Variants in RGS8 observed in about 807,000 individuals in gnomAD.
RGS8 encodes the protein regulator of G-protein signaling 8.
A neutral mutation model predicts 21.7 loss-of-function variants in RGS8; 8 were observed. The observed-to-expected ratio is 0.37, with a 90% CI of 0.22 to 0.66. RGS8 has a LOEUF of 0.66. Ranked by LOEUF, RGS8 falls within the 30% of genes least tolerant of loss-of-function variation. The pLI is 0.59. For missense variants in RGS8, 157 were observed against 217.9 expected (o/e 0.72, Z 1.76); for synonymous variants, 80 against 83.6 (o/e 0.96, Z 0.24).
chr1:182,724,201 GATATATAT>G, the RGS8 span, among the ~76,000 whole-genome samples: 295 of 42,074 alleles, frequency 7.0e-3, 4 homozygotes, highest in East Asian at 0.015. Flanking sequence ...GGCTAGACTG[GATATATAT>G]ATATATATAT....
At chr1:182,663,968 C>T (rs1006297968) in intron 5 of RGS8, among the ~76,000 whole-genome samples, 3 of 152,220 alleles carry the variant, frequency 2.0e-5, no homozygotes, top group African/African-American at 7.2e-5. Flanking sequence ...CTGCACCTGT[C>T]AGCTTGTAAC....
chr1:182,708,783 G>A, the RGS8 span, among the ~76,000 whole-genome samples: 1 of 152,246 alleles, frequency 6.6e-6, no homozygotes, highest in African/African-American at 2.4e-5. Flanking sequence ...CTTGGGAACT[G>A]TTGTGTCAGC....
chr1:182,733,363 C>T, the RGS8 span, among the ~76,000 whole-genome samples: 1 of 152,152 alleles, frequency 6.6e-6, no homozygotes, highest in Non-Finnish European at 1.5e-5. Context: ...GATTATGATG[C>T]TACATTTTAA....
chr1:182,689,490 G>A (rs980636160), upstream of RGS8, among the ~76,000 whole-genome samples: 5 of 152,158 alleles, frequency 3.3e-5, no homozygotes, highest in Non-Finnish European at 7.3e-5. Flanking sequence ...AATGCCTAAG[G>A]TATAGGAGGA....
chr1:182,702,917 T>A, the RGS8 span, among the ~76,000 whole-genome samples: 1 of 152,176 alleles, frequency 6.6e-6, no homozygotes, highest in Non-Finnish European at 1.5e-5. Context: ...GTAAGTCACC[T>A]CTCTAAAGGA....
At chr1:182,741,787 TG>T in the RGS8 span, among the ~76,000 whole-genome samples, 1 of 102,608 alleles carries the variant, frequency 9.7e-6, no homozygotes, top group African/African-American at 3.3e-5. Context: ...ACGGGGCGGC[TG>T]GCCGCGCAGA....
chr1:182,686,633 C>T (rs1375628901), upstream of RGS8, among the ~76,000 whole-genome samples: 2 of 152,118 alleles, frequency 1.3e-5, no homozygotes, highest in Non-Finnish European at 2.9e-5. Context: ...CAGACTTTGA[C>T]CTGCAAATGA....
chr1:182,696,240 G>A, the RGS8 span, among the ~76,000 whole-genome samples: 7 of 152,036 alleles, frequency 4.6e-5, no homozygotes, highest in Admixed American at 1.3e-4. Flanking sequence ...CTCAACAATC[G>A]CCCTCCAAGC....
chr1:182,664,188 C>T (rs1022524206), intron 5 of RGS8, among the ~76,000 whole-genome samples: 6 of 151,996 alleles, frequency 3.9e-5, no homozygotes, highest in Admixed American at 2.0e-4. Flanking sequence ...CCATAAACTC[C>T]GACCATAATG....
rs1474418927 is a variant in RGS8, at chr1:182,681,798, C to T, written n.221+2558G>A. Among the ~76,000 whole-genome samples the T allele has an allele frequency of 2.6e-5, 4 of 152,250 alleles. No individual in the cohort carries two copies. The East Asian group carries it at 7.7e-4, about 29-fold the overall frequency. ...CACGGAGATGCTGAGCAAATTCCCC[C>T]TGACACTTTTCCTTGAGAGACAAGG... On this transcript the variant is annotated intron_variant and non_coding_transcript_variant, in intron 1 of 4. Coordinates refer to the RGS8 transcript ENST00000515211.
the RGS8 span, among the ~76,000 whole-genome samples, chr1:182,715,218 A>G: frequency 1.3e-5 from 2 of 152,302 alleles, no homozygotes; most frequent in East Asian, 3.9e-4. Context: ...AGCATCAACA[A>G]AGACCTGGGT....
intron 2 of RGS8, among the ~76,000 whole-genome samples, chr1:182,670,171 A>G (rs889300890): frequency 3.3e-5 from 5 of 152,206 alleles, no homozygotes; most frequent in South Asian, 2.1e-4. Context: ...CCTCCCTCCA[A>G]GTGAACCTGT....
At chr1:182,722,363 C>CAAAAAAAAA in the RGS8 span, among the ~76,000 whole-genome samples, 4 of 79,404 alleles carry the variant, frequency 5.0e-5, no homozygotes, top group African/African-American at 5.0e-5. Flanking sequence ...AGCAAATTAC[C>CAAAAAAAAA]AAAAAAAAAA....
chr1:182,646,716 AG>A, exon 7 of RGS8: 1 of 1,597,442 alleles, frequency 6.3e-7, no homozygotes, highest in Non-Finnish European at 8.5e-7. Context: ...GGTGATTTCC[AG>A]GAGTTCCCTT....
At chr1:182,751,574 A>G in the RGS8 span, among the ~76,000 whole-genome samples, 1 of 152,200 alleles carries the variant, frequency 6.6e-6, no homozygotes, top group South Asian at 2.1e-4. Flanking sequence ...AGGAGCTTAA[A>G]TGACCTCTGA....
chr1:182,657,800 A>G (rs1459111620), intron 5 of RGS8, among the ~76,000 whole-genome samples: 1 of 152,240 alleles, frequency 6.6e-6, no homozygotes, highest in African/African-American at 2.4e-5. Flanking sequence ...ACACATAGAC[A>G]GTGATTGTTC....
chr1:182,665,638 G>A (rs1424060556), intron 5 of RGS8, among the ~76,000 whole-genome samples: 1 of 152,130 alleles, frequency 6.6e-6, no homozygotes, highest in Non-Finnish European at 1.5e-5. Context: ...ACAAGATCTG[G>A]CTGGAACCTA....
chr1:182,663,205 A>G (rs1197039314), intron 5 of RGS8, among the ~76,000 whole-genome samples: 1 of 152,202 alleles, frequency 6.6e-6, no homozygotes, highest in African/African-American at 2.4e-5. Flanking sequence ...GGAAAAGCTT[A>G]ATCAGCCCTA....
At chr1:182,644,643 G>A (rs941529847), downstream of RGS8, 2 of 152,200 alleles carry the variant, frequency 1.3e-5, no homozygotes, top group Non-Finnish European at 2.9e-5. Flanking sequence ...TCCCCTTTCA[G>A]AATGTTTCAC....
Sources: allele counts gnomAD v4.1 joint callset (sites outside exome capture counted in the v4.1 genomes callset), GRCh38; gene constraint gnomAD v4.1.1; transcripts MANE v1.5; gene names NCBI Gene and HGNC (gene_info 2026-07-23, HGNC 2026-07-21).